IL1RAPL1: variants seen among roughly 807,000 people sequenced by gnomAD.
IL1RAPL1 encodes interleukin 1 receptor accessory protein like 1, also known as interleukin-1 receptor accessory protein-like 1.
In IL1RAPL1, 3 loss-of-function variants were observed where a neutral mutation model predicts 48.4. The observed-to-expected ratio is 0.06, with a 90% CI of 0.03 to 0.16. The LOEUF (loss-of-function observed/expected upper bound fraction) is 0.16. Ranked by LOEUF, IL1RAPL1 falls within the 10% of genes least tolerant of loss-of-function variation. The pLI, the probability that IL1RAPL1 is intolerant of heterozygous loss-of-function variation, is 1.00. For synonymous variants in IL1RAPL1, 185 were observed against 187.7 expected, an observed-to-expected ratio of 0.99 and a Z score of 0.12; for missense variants, 349 against 530.6, an observed-to-expected ratio of 0.66 and a Z score of 3.36.
At chrX:29,421,243 CA>C (rs1308233268) in intron 5 of IL1RAPL1, among the ~76,000 whole-genome samples, 1 of 110,756 alleles carries the variant, frequency 9.0e-6, no homozygotes, top group Admixed American at 9.7e-5. Flanking sequence ...ATTTATTGGG[CA>C]AAAAGGAAAA....
chrX:29,675,825 G>A (rs1251566484), intron 6 of IL1RAPL1, among the ~76,000 whole-genome samples: 2 of 111,904 alleles, frequency 1.8e-5, no homozygotes, highest in Non-Finnish European at 3.8e-5. Context: ...TCCTGATCTC[G>A]TGATCTACCC....
chrX:29,519,017 A>G (rs1218046132), intron 5 of IL1RAPL1, among the ~76,000 whole-genome samples: 1 of 111,607 alleles, frequency 9.0e-6, no homozygotes. Context: ...TAAAATATGC[A>G]TATACACAGA....
Position 28,850,833 on chromosome X carries a change from G to GTT in IL1RAPL1, c.82+61423_82+61424dup, listed in dbSNP as rs368433174. 4.1e-3 allele frequency among the ~76,000 whole-genome samples: 359 copies of GTT among 86,936 alleles called. 3 individuals carry two copies. Among genetic ancestry groups the GTT allele is most frequent in the African/African-American group, 0.013 (308 of 23,302 alleles). 75.5% of individuals were successfully genotyped at this position (86,936 alleles called of 115,157 possible). A position where few individuals can be genotyped will look rare whatever the true frequency, so the allele number is the denominator to read the frequency against. ...AGTCCTAAACTTATATACCCCTATG[G>GTT]TTTTTTTTTTTTTTTTGGAAGCTGT... On this transcript the variant is annotated intron_variant, in intron 2 of 10. Transcript: ENST00000378993.
intron 3 of IL1RAPL1, among the ~76,000 whole-genome samples, chrX:29,336,635 G>A (rs1004925792): frequency 3.6e-5 from 4 of 110,540 alleles, no homozygotes; most frequent in East Asian, 5.7e-4. Flanking sequence ...ATGAAGACCC[G>A]AAGACCCAGG....
At chrX:29,274,316 A>G (rs1333950772) in intron 2 of IL1RAPL1, among the ~76,000 whole-genome samples, 1 of 112,042 alleles carries the variant, frequency 8.9e-6, no homozygotes, top group Non-Finnish European at 1.9e-5. Flanking sequence ...ATGTGAAGCT[A>G]ATCTGTTTAC....
chrX:29,314,480 C>T (rs1040395228), intron 3 of IL1RAPL1, among the ~76,000 whole-genome samples: 2 of 112,678 alleles, frequency 1.8e-5, no homozygotes, highest in South Asian at 3.6e-4. Context: ...GACAGAGCTA[C>T]TTGATCACTG....
At chrX:29,183,996 C>G (rs1015404544) in intron 2 of IL1RAPL1, among the ~76,000 whole-genome samples, 2 of 112,100 alleles carry the variant, frequency 1.8e-5, no homozygotes, top group South Asian at 7.3e-4. Flanking sequence ...GTCCAGCCCC[C>G]CTTTTTTTAA....
At chrX:29,926,334 C>A (rs932712488) in intron 8 of IL1RAPL1, among the ~76,000 whole-genome samples, 3 of 111,926 alleles carry the variant, frequency 2.7e-5, no homozygotes, top group Non-Finnish European at 5.6e-5. Flanking sequence ...TGATCCTGGA[C>A]AAAACCAATG....
chrX:29,786,915 T>TG (rs1309154093), intron 6 of IL1RAPL1, among the ~76,000 whole-genome samples: 2 of 111,632 alleles, frequency 1.8e-5, no homozygotes, highest in African/African-American at 6.5e-5. Flanking sequence ...TGGCAAGGTC[T>TG]GGGTGTATAA....
At chrX:28,674,301 T>C (rs934362290) in intron 1 of IL1RAPL1, among the ~76,000 whole-genome samples, 2 of 109,925 alleles carry the variant, frequency 1.8e-5, no homozygotes, top group African/African-American at 6.6e-5. Flanking sequence ...TTGACCAAGG[T>C]ACTTCCTTCT....
chrX:29,487,729 C>T (rs1465629990), intron 5 of IL1RAPL1, among the ~76,000 whole-genome samples: 1 of 111,783 alleles, frequency 8.9e-6, no homozygotes, highest in Non-Finnish European at 1.9e-5. Flanking sequence ...GGAGAAAATC[C>T]AATCTATTCA....
chrX:29,121,030 TC>T lies in IL1RAPL1; in HGVS notation c.83-161905del, dbSNP rs1214396032. Reference sequence around the variant, plus strand: ...AGAGGCAGAAAAAGCATGTGACACATCCCAAAACCCTTTCATGATAAGAAGT... The same window carrying T: ...AGAGGCAGAAAAAGCATGTGACACATCCAAAACCCTTTCATGATAAGAAGT... On this transcript the variant is annotated intron_variant, in intron 2 of 10. Transcript: ENST00000378993. 5.4e-5 allele frequency among the ~76,000 whole-genome samples: 6 copies of T among 111,649 alleles called. No homozygotes were observed. In the Admixed American group the frequency reaches 5.7e-4, roughly 11 times the overall value.
intron 3 of IL1RAPL1, among the ~76,000 whole-genome samples, chrX:29,315,166 G>T (rs1374679844): frequency 8.9e-6 from 1 of 111,886 alleles, no homozygotes; most frequent in Non-Finnish European, 1.9e-5. Flanking sequence ...CTGGGTTCCA[G>T]ATATAAAGGA....
chrX:29,281,694 T>G (rs1030914817), intron 2 of IL1RAPL1, among the ~76,000 whole-genome samples: 1 of 111,742 alleles, frequency 8.9e-6, no homozygotes, highest in African/African-American at 3.3e-5. Context: ...TTGGGTCCAG[T>G]TAGAGAAAAA....
chrX:28,687,573 G>A (rs1935125911), intron 1 of IL1RAPL1, among the ~76,000 whole-genome samples: 1 of 106,894 alleles, frequency 9.4e-6, no homozygotes, highest in African/African-American at 3.4e-5. Context: ...ACAAGGTCAG[G>A]AGATCGAGGC....
At chrX:29,388,449 A>G (rs1933812873) in intron 3 of IL1RAPL1, among the ~76,000 whole-genome samples, 1 of 112,428 alleles carries the variant, frequency 8.9e-6, no homozygotes, top group African/African-American at 3.2e-5. Flanking sequence ...AAAAGAATTA[A>G]AAGCAGGGAC....
At chrX:28,976,338 GACAGGT>G (rs2147371944) in intron 2 of IL1RAPL1, among the ~76,000 whole-genome samples, 1 of 111,614 alleles carries the variant, frequency 9.0e-6, no homozygotes, top group Non-Finnish European at 1.9e-5. Flanking sequence ...TAGAGATAAT[GACAGGT>G]GGTGGGTTGT....
At chrX:28,735,282 A>G (rs139233026) in intron 1 of IL1RAPL1, among the ~76,000 whole-genome samples, 1,111 of 108,866 alleles carry the variant, frequency 0.01, 10 homozygotes, top group Non-Finnish European at 0.015. Context: ...AGCAATGTAC[A>G]TGTTCACACT....
chrX:28,931,670 A>G (rs1230816097), intron 2 of IL1RAPL1, among the ~76,000 whole-genome samples: 1 of 111,990 alleles, frequency 8.9e-6, no homozygotes, highest in African/African-American at 3.2e-5. Flanking sequence ...GTTATTCAGT[A>G]TTTAATATTT....
Sources: gnomAD v4.1 joint callset for allele counts (sites outside exome capture counted in the v4.1 genomes callset) on GRCh38, gnomAD v4.1.1 for gene constraint, MANE v1.5 for transcripts, NCBI Gene and HGNC (gene_info 2026-07-23, HGNC 2026-07-21) for gene names.